The following PDE10A variants were observed in gnomAD, a reference collection of about 807,000 sequenced individuals.
PDE10A encodes cAMP and cAMP-inhibited cGMP 3',5'-cyclic phosphodiesterase 10A.
In PDE10A, 39 loss-of-function variants were observed where a neutral mutation model predicts 97.7. The observed-to-expected ratio is 0.40, with a 90% CI of 0.31 to 0.52. The LOEUF (loss-of-function observed/expected upper bound fraction) is 0.52. PDE10A is among the 20% of genes least tolerant of loss of function. PDE10A has a pLI of 0.56. For synonymous variants in PDE10A, 371 were observed against 376.8 expected (o/e 0.98, Z 0.18); for missense variants, 731 against 1,047.8 (o/e 0.70, Z 4.17).
chr6:165,858,136 TTAAA>T (rs1357202418), intron 1 of PDE10A, among the ~76,000 whole-genome samples: 10 of 152,372 alleles, frequency 6.6e-5, no homozygotes, highest in African/African-American at 2.4e-4. Context: ...GCTATTAATT[TTAAA>T]TAAATTGAGT....
At chr6:165,937,381 T>C (rs1407489983) in intron 1 of PDE10A, among the ~76,000 whole-genome samples, 1 of 152,232 alleles carries the variant, frequency 6.6e-6, no homozygotes, top group Non-Finnish European at 1.5e-5. Context: ...AGAGTAACTT[T>C]TCTCCTAAGT....
At chr6:165,843,326 A>C (rs563431199) in intron 1 of PDE10A, among the ~76,000 whole-genome samples, 2 of 147,850 alleles carry the variant, frequency 1.4e-5, no homozygotes, top group South Asian at 4.2e-4. Flanking sequence ...CAGAGCAGAC[A>C]CACACACAGG....
At chr6:165,739,215 C>T (rs973504728) in intron 1 of PDE10A, among the ~76,000 whole-genome samples, 3 of 152,162 alleles carry the variant, frequency 2.0e-5, no homozygotes, top group Non-Finnish European at 4.4e-5. Context: ...CTGGAGGCAC[C>T]ATGCTACCTA....
intron 1 of PDE10A, among the ~76,000 whole-genome samples, chr6:165,714,593 C>T (rs1791980546): frequency 6.6e-6 from 1 of 152,198 alleles, no homozygotes; most frequent in Non-Finnish European, 1.5e-5. Context: ...CGAATCCAGG[C>T]ACAGCAACCC....
intron 1 of PDE10A, among the ~76,000 whole-genome samples, chr6:165,631,433 T>C (rs570494080): frequency 1.3e-5 from 2 of 152,338 alleles, no homozygotes; most frequent in South Asian, 4.1e-4. Flanking sequence ...GCATCTATCC[T>C]GAGAGTAGAG....
intron 1 of PDE10A, among the ~76,000 whole-genome samples, chr6:165,927,236 G>C (rs571742277): frequency 7.7e-4 from 118 of 152,280 alleles, no homozygotes; most frequent in African/African-American, 2.7e-3. Flanking sequence ...GCACATGCTA[G>C]TCCTTAAACT....
At chr6:165,384,286 G>T (rs1046818389) in intron 17 of PDE10A, among the ~76,000 whole-genome samples, 54 of 151,882 alleles carry the variant, frequency 3.6e-4, no homozygotes, top group Admixed American at 7.2e-4. Context: ...GGTCAGAGGG[G>T]CCAGATTACC....
intron 1 of PDE10A, among the ~76,000 whole-genome samples, chr6:165,619,389 A>C (rs370979748): frequency 0.013 from 38 of 3,036 alleles, no homozygotes; most frequent in African/African-American, 0.05. Context: ...GTAGTCTAGT[A>C]TAGTGTAGTG....
intron 1 of PDE10A, chr6:165,910,992 A>T (rs1452479144): frequency 6.6e-6 from 1 of 152,106 alleles, no homozygotes; most frequent in Non-Finnish European, 1.5e-5. Context: ...GGCAGCTAAC[A>T]ATCTATACTT....
In PDE10A at chr6:165,916,009, T is replaced by C. The variant is rs183755360; in HGVS notation, c.-615+71520A>G. Among the ~76,000 whole-genome samples the C allele has an allele frequency of 1.4e-3, 206 of 152,352 alleles. 1 individual carries two copies. The highest frequency in any genetic ancestry group is 4.8e-3 in the African/African-American group (200 of 41,580). On this transcript the variant is annotated intron_variant, in intron 1 of 19. Transcript: ENST00000366882. ...CCTCAAAATACTAACTTCGGCCATGTCATTAGGTCTGGATGCTGCACTCTA... is the reference window on the plus strand; with the variant it reads ...CCTCAAAATACTAACTTCGGCCATGCCATTAGGTCTGGATGCTGCACTCTA...
At chr6:165,717,221 A>G (rs1411865549) in intron 1 of PDE10A, among the ~76,000 whole-genome samples, 1 of 152,182 alleles carries the variant, frequency 6.6e-6, no homozygotes, top group East Asian at 1.9e-4. Context: ...ACACACTACA[A>G]TCTGTATATC....
chr6:165,421,368 A>G (rs974930510), intron 10 of PDE10A, among the ~76,000 whole-genome samples: 1 of 152,200 alleles, frequency 6.6e-6, no homozygotes, highest in Non-Finnish European at 1.5e-5. Context: ...TCATAAGCCC[A>G]GGAGGCAAAG....
chr6:165,605,092 GC>G (rs561527647), intron 1 of PDE10A, among the ~76,000 whole-genome samples: 2 of 151,794 alleles, frequency 1.3e-5, no homozygotes, highest in Non-Finnish European at 2.9e-5. Flanking sequence ...AAATTTCATT[GC>G]TTCATTTTGC....
chr6:165,665,132 A>G (rs1790466135), upstream of PDE10A, among the ~76,000 whole-genome samples: 1 of 152,256 alleles, frequency 6.6e-6, no homozygotes, highest in Admixed American at 6.5e-5. Flanking sequence ...ACAACGGAAA[A>G]GAAAACAACT....
rs1408103017 is a variant in PDE10A, at chr6:165,328,409, A to G, written c.*4616T>C. 1.3e-5 allele frequency: 2 copies of G among 152,264 alleles called. No individual in the cohort carries two copies. Among genetic ancestry groups the G allele is most frequent in the Non-Finnish European group, 2.9e-5 (2 of 68,042 alleles). 9.4% of individuals were successfully genotyped at this position (152,264 alleles called of 1,614,324 possible). On this transcript the variant is annotated 3_prime_UTR_variant, in exon 22 of 22. Transcript: ENST00000539869. ...ACTTCTGCAAATACACAGTACCTCA[A>G]AAACATCAGAGGAAAACTGAAATAT...
intron 1 of PDE10A, among the ~76,000 whole-genome samples, chr6:165,891,960 TTTTA>T (rs1414513907): frequency 1.6e-5 from 1 of 63,356 alleles, no homozygotes. Flanking sequence ...CTTTTTTTTT[TTTTA>T]ATGTGATGAA....
chr6:165,772,909 G>A (rs1264475938), intron 1 of PDE10A, among the ~76,000 whole-genome samples: 1 of 152,212 alleles, frequency 6.6e-6, no homozygotes, highest in Non-Finnish European at 1.5e-5. Context: ...CATCCTTTTC[G>A]TAGAAATCAG....
At chr6:165,375,369 A>AG (rs1784550348) in intron 18 of PDE10A, among the ~76,000 whole-genome samples, 1 of 151,638 alleles carries the variant, frequency 6.6e-6, no homozygotes. Flanking sequence ...AGAAGATCAA[A>AG]CCAGCCACAA....
At position 165,390,317 on chromosome 6, in the gene PDE10A, T is replaced by C. The variant is rs570807463; in HGVS notation, c.2455-1864A>G. ...TCACTGGTGACCTGGAGCAGGGCAT[T>C]TTCTGGGGTGTTAAGGTCAGAAGCT... On this transcript the variant is annotated intron_variant, in intron 16 of 21. Transcript: ENST00000539869. 6.7e-4 allele frequency among the ~76,000 whole-genome samples: 102 copies of C among 152,228 alleles called. 1 individual carries two copies. The highest frequency in any genetic ancestry group is 6.8e-3 in the Middle Eastern group (2 of 294).
Sources: gnomAD v4.1 joint callset for allele counts (sites outside exome capture counted in the v4.1 genomes callset) on GRCh38, gnomAD v4.1.1 for gene constraint, MANE v1.5 for transcripts, NCBI Gene and HGNC (gene_info 2026-07-23, HGNC 2026-07-21) for gene names.